Variants in GALNT13 observed in about 807,000 individuals in gnomAD.
The protein encoded by GALNT13 is polypeptide N-acetylgalactosaminyltransferase 13, also known as UDP-GalNAc:polypeptide N-acetylgalactosaminyltransferase 13.
Under a neutral mutation model 64.2 loss-of-function variants are expected in GALNT13, and 28 were observed. The ratio of observed to expected loss-of-function variants is 0.44; its 90% CI spans 0.32 to 0.60. GALNT13 has a LOEUF of 0.60. Among genes scored for constraint, GALNT13 ranks in the 20% least tolerant of loss-of-function variants. GALNT13 has a pLI of 0.05. For missense variants in GALNT13, 577 were observed against 669.8 expected, an observed-to-expected ratio of 0.86 and a Z score of 1.53; for synonymous variants, 214 against 224.6, an observed-to-expected ratio of 0.95 and a Z score of 0.42.
the GALNT13 span, among the ~76,000 whole-genome samples, chr2:153,571,276 G>C: frequency 2.2e-4 from 34 of 152,052 alleles, no homozygotes; most frequent in Admixed American, 6.6e-4. Flanking sequence ...TTGGGATATA[G>C]AAATGCTACT....
intron 3 of GALNT13, among the ~76,000 whole-genome samples, chr2:153,990,196 C>T (rs1695071444): frequency 6.6e-6 from 1 of 152,040 alleles, no homozygotes; most frequent in Admixed American, 6.6e-5. Flanking sequence ...ATAACTTGCT[C>T]AAAATCAGAC....
the GALNT13 span, among the ~76,000 whole-genome samples, chr2:153,505,248 T>C: frequency 2.0e-5 from 3 of 152,312 alleles, no homozygotes; most frequent in South Asian, 4.1e-4. Context: ...ATTGAGCTTA[T>C]TTGGATCTTC....
At chr2:154,127,248 T>C (rs1031841174) in intron 3 of GALNT13, among the ~76,000 whole-genome samples, 5 of 152,098 alleles carry the variant, frequency 3.3e-5, no homozygotes, top group Non-Finnish European at 7.4e-5. Context: ...ACCCATAATA[T>C]AAATAGATAT....
chr2:153,507,699 C>G, the GALNT13 span, among the ~76,000 whole-genome samples: 1 of 152,164 alleles, frequency 6.6e-6, no homozygotes, highest in Non-Finnish European at 1.5e-5. Context: ...GGTTTGGATT[C>G]ATTGCTGGTG....
intron 3 of GALNT13, among the ~76,000 whole-genome samples, chr2:154,012,444 C>T (rs184643435): frequency 3.3e-5 from 5 of 152,214 alleles, no homozygotes; most frequent in African/African-American, 1.2e-4. Context: ...TCATTGTTAG[C>T]CTGACGGGGT....
At chr2:153,654,593 T>A in the GALNT13 span, among the ~76,000 whole-genome samples, 1 of 151,994 alleles carries the variant, frequency 6.6e-6, no homozygotes, top group African/African-American at 2.4e-5. Flanking sequence ...ACAGTCCACA[T>A]CTGAGGATTC....
chr2:153,734,160 AG>A, the GALNT13 span, among the ~76,000 whole-genome samples: 1 of 152,110 alleles, frequency 6.6e-6, no homozygotes, highest in Non-Finnish European at 1.5e-5. Context: ...GAACACTCAA[AG>A]GTGCTTGTTT....
At chr2:153,818,632 G>C in the GALNT13 span, among the ~76,000 whole-genome samples, 2 of 152,160 alleles carry the variant, frequency 1.3e-5, no homozygotes, top group Non-Finnish European at 2.9e-5. Context: ...AAAACTCCAA[G>C]ATAACAGGCA....
At chr2:153,464,080 AC>A in the GALNT13 span, among the ~76,000 whole-genome samples, 2 of 152,032 alleles carry the variant, frequency 1.3e-5, no homozygotes, top group Non-Finnish European at 2.9e-5. Flanking sequence ...CCTTAAGCAC[AC>A]CAGGTACCTG....
intron 3 of GALNT13, among the ~76,000 whole-genome samples, chr2:154,049,973 CT>C (rs1351935302): frequency 2.0e-5 from 3 of 152,020 alleles, no homozygotes; most frequent in African/African-American, 7.2e-5. Context: ...ATCTTCCTTT[CT>C]CAATTGTATT....
chr2:154,137,060 T>C (rs1682996757), intron 3 of GALNT13, among the ~76,000 whole-genome samples: 2 of 152,032 alleles, frequency 1.3e-5, no homozygotes, highest in Admixed American at 6.6e-5. Context: ...GAAAAATGTA[T>C]AGAAACTGAT....
chr2:154,064,307 C>G (rs1448278755), intron 3 of GALNT13, among the ~76,000 whole-genome samples: 1 of 152,110 alleles, frequency 6.6e-6, no homozygotes, highest in Non-Finnish European at 1.5e-5. Flanking sequence ...GTCTAGGCAA[C>G]AAGAACTGCA....
intron 3 of GALNT13, among the ~76,000 whole-genome samples, chr2:154,001,555 C>T (rs1412882310): frequency 1.3e-5 from 2 of 151,948 alleles, no homozygotes; most frequent in East Asian, 1.9e-4. Context: ...ACGCAATCTA[C>T]AGTTCAAACA....
intron 10 of GALNT13, among the ~76,000 whole-genome samples, chr2:154,401,122 T>C (rs1036755356): frequency 6.6e-6 from 1 of 152,190 alleles, no homozygotes; most frequent in African/African-American, 2.4e-5. Flanking sequence ...TTTCCTCTTG[T>C]ATCCTTTAGC....
the GALNT13 span, among the ~76,000 whole-genome samples, chr2:153,548,738 T>C: frequency 6.6e-6 from 1 of 152,172 alleles, no homozygotes; most frequent in Admixed American, 6.5e-5. Context: ...ATCCTGGGTA[T>C]AATAGTATAT....
At chr2:153,593,600 C>G in the GALNT13 span, among the ~76,000 whole-genome samples, 2 of 152,158 alleles carry the variant, frequency 1.3e-5, no homozygotes, top group Non-Finnish European at 2.9e-5. Context: ...CATTTGCCAT[C>G]TTTGTAAACA....
chr2:153,963,951 G>T (rs1693139677), intron 3 of GALNT13, among the ~76,000 whole-genome samples: 1 of 151,990 alleles, frequency 6.6e-6, no homozygotes, highest in South Asian at 2.1e-4. Context: ...TATTGTTCTA[G>T]CTAAGAAATA....
the GALNT13 span, among the ~76,000 whole-genome samples, chr2:153,641,698 G>C: frequency 1.3e-5 from 2 of 152,004 alleles, no homozygotes; most frequent in Non-Finnish European, 2.9e-5. Context: ...CTTCTGTTAT[G>C]CTGAAACAAA....
chr2:153,184,626 T>C, the GALNT13 span, among the ~76,000 whole-genome samples: 1 of 152,192 alleles, frequency 6.6e-6, no homozygotes, highest in Non-Finnish European at 1.5e-5. Flanking sequence ...TCTTATTATT[T>C]TGAGGTATAT....
Sources: allele counts gnomAD v4.1 joint callset (sites outside exome capture counted in the v4.1 genomes callset), GRCh38; gene constraint gnomAD v4.1.1; transcripts MANE v1.5; gene names NCBI Gene and HGNC (gene_info 2026-07-23, HGNC 2026-07-21).